SNX19: variants seen among roughly 807,000 people sequenced by gnomAD.
SNX19 encodes sorting nexin 19.
In SNX19, 60 loss-of-function variants were observed where a neutral mutation model predicts 85.2. The observed-to-expected ratio is 0.70, with a 90% CI of 0.57 to 0.87. The LOEUF (loss-of-function observed/expected upper bound fraction) is 0.87. SNX19 is among the 40% of genes least tolerant of loss of function. The pLI is 0.00. For synonymous variants in SNX19, 520 were observed against 470.0 expected (o/e 1.11, Z -1.38); for missense variants, 1,201 against 1,217.8 (o/e 0.99, Z 0.21).
At chr11:130,884,299 ACTC>A (rs1348567217) in intron 8 of SNX19, among the ~76,000 whole-genome samples, 1 of 151,870 alleles carries the variant, frequency 6.6e-6, no homozygotes, top group Non-Finnish European at 1.5e-5. Flanking sequence ...AGAAGTCTCA[ACTC>A]CTCTCCATTA....
At chr11:130,906,851 C>T (rs1022387378) in intron 5 of SNX19, 130 bp from the exon 6 acceptor site, 10 of 673,046 alleles carry the variant, frequency 1.5e-5, no homozygotes, top group Admixed American at 1.3e-4. Flanking sequence ...TTACTGTGGT[C>T]AGAGCTGCCA....
chr11:130,888,801 A>G (rs1465210263), intron 8 of SNX19, among the ~76,000 whole-genome samples: 4 of 152,222 alleles, frequency 2.6e-5, no homozygotes, highest in African/African-American at 9.6e-5. Flanking sequence ...GATATAATTC[A>G]TCTAGGCCAT....
At chr11:130,902,480 G>C (rs1396271221) in intron 8 of SNX19, among the ~76,000 whole-genome samples, 1 of 152,180 alleles carries the variant, frequency 6.6e-6, no homozygotes, top group African/African-American at 2.4e-5. Context: ...CTAAGAGAAG[G>C]TCAGCATTTG....
In SNX19 at chr11:130,874,761, CA is replaced by C. The variant is rs768432717; in HGVS notation, c.*3660del. Among the ~76,000 whole-genome samples the C allele has an allele frequency of 6.6e-6, 1 of 152,106 alleles. No individual in the cohort carries two copies. Among genetic ancestry groups the C allele is most frequent in the Non-Finnish European group, 1.5e-5 (1 of 68,028 alleles). ...CTGGAAATGAATAACCTGGGTAGGACACAGGAAGACTCAAAAATGTTCTAGG... is the reference window on the plus strand; with the variant it reads ...CTGGAAATGAATAACCTGGGTAGGACCAGGAAGACTCAAAAATGTTCTAGG... On this transcript the variant is annotated 3_prime_UTR_variant, in exon 11 of 11. Coordinates refer to ENST00000265909, the MANE Select transcript of SNX19 (RefSeq NM_014758.3).
At chr11:130,883,337 A>G (rs556388729) in intron 8 of SNX19, among the ~76,000 whole-genome samples, 115 of 152,214 alleles carry the variant, frequency 7.6e-4, no homozygotes, top group Non-Finnish European at 1.4e-3. Context: ...ATCTCTGAGT[A>G]AGTATCAGCT....
At chr11:130,903,207 T>A in intron 8 of SNX19, 48 bp downstream of exon 8, 1 of 1,610,150 alleles carries the variant, frequency 6.2e-7, no homozygotes, top group Non-Finnish European at 8.5e-7. Context: ...ACATCCACCT[T>A]CTCTGCAACT....
intron 4 of SNX19, 29 bp from the exon 5 acceptor site, chr11:130,908,112 C>T: frequency 6.2e-7 from 1 of 1,609,532 alleles, no homozygotes; most frequent in Non-Finnish European, 8.5e-7. Flanking sequence ...CAGGGTCAGT[C>T]CATCCACATC....
chr11:130,901,519 T>G lies in SNX19; in HGVS notation c.2573+1736A>C, dbSNP rs144677426. On this transcript the variant is annotated intron_variant, in intron 8 of 10. Coordinates refer to ENST00000265909, the MANE Select transcript of SNX19 (RefSeq NM_014758.3). The stretch of plus-strand genomic sequence containing the variant: ...GGAAATAACAGGTAGAGAAAGACCA[T>G]TCGAAGGCAGATACAGGAAGATGAG... 3.9e-3 allele frequency among the ~76,000 whole-genome samples: 594 copies of G among 152,058 alleles called. 10 individuals carry two copies. The South Asian group carries it at 0.05, about 13-fold the overall frequency.
rs1942852998 is a variant in SNX19 at position 130,868,157 on chromosome 11, G to A, written c.*10265C>T. On this transcript the variant is annotated 3_prime_UTR_variant, in exon 11 of 11. Coordinates refer to ENST00000265909, the MANE Select transcript of SNX19 (RefSeq NM_014758.3). ...TTCTCGTGGTAAGAAGGTGCTTCCAGAAGGCTGATTTTTCACTTCTCATGC... is the reference window on the plus strand; with the variant it reads ...TTCTCGTGGTAAGAAGGTGCTTCCAAAAGGCTGATTTTTCACTTCTCATGC... The A allele has an allele frequency of 6.6e-6, 1 of 152,176 alleles. No homozygotes were observed. Among genetic ancestry groups the A allele is most frequent in the Non-Finnish European group, 1.5e-5 (1 of 68,036 alleles). 9.4% of individuals were successfully genotyped at this position (152,176 alleles called of 1,614,324 possible).
intron 8 of SNX19, among the ~76,000 whole-genome samples, chr11:130,902,869 C>T (rs781533179): frequency 2.6e-5 from 4 of 152,198 alleles, no homozygotes; most frequent in Admixed American, 6.5e-5. Context: ...CCTTTTCTTT[C>T]CCACTGTTTA....
intron 8 of SNX19, among the ~76,000 whole-genome samples, chr11:130,900,229 A>G (rs1945170094): frequency 6.6e-6 from 1 of 152,204 alleles, no homozygotes; most frequent in Admixed American, 6.5e-5. Context: ...GGATGGCTTG[A>G]GCCCAGGAGG....
intron 8 of SNX19, among the ~76,000 whole-genome samples, chr11:130,896,836 C>T (rs1449732713): frequency 1.3e-5 from 2 of 152,050 alleles, no homozygotes; most frequent in Non-Finnish European, 2.9e-5. Context: ...TGGTGGCAGA[C>T]CTGGAGGTTC....
chr11:130,879,502 G>A (rs1240410477), intron 10 of SNX19, 122 bp downstream of exon 10: 2 of 785,636 alleles, frequency 2.5e-6, no homozygotes, highest in South Asian at 1.7e-5. Context: ...AGTGCCCAGA[G>A]CAAGTAAAGA....
intron 7 of SNX19, 22 bp downstream of exon 7, chr11:130,905,931 G>A: frequency 6.2e-7 from 1 of 1,614,166 alleles, no homozygotes; most frequent in South Asian, 1.1e-5. Flanking sequence ...TTCTCCATGG[G>A]AGCAGAGACC....
intron 7 of SNX19, among the ~76,000 whole-genome samples, chr11:130,903,716 T>TAC (rs35654790): frequency 0.15 from 21,036 of 143,268 alleles, 1,522 homozygotes; most frequent in African/African-American, 0.2. Context: ...TATATACACA[T>TAC]ACACACACAC....
In SNX19 at chr11:130,876,296, G is replaced by A. The variant is rs1481793701; in HGVS notation, c.*2126C>T. ...TTGTCTGAACCTGCTAGCCAAACTT[G>A]GCAGGTCGTTTTCAAAGCCAGATGA... On this transcript the variant is annotated 3_prime_UTR_variant, in exon 11 of 11. Transcript: ENST00000265909. The A allele has an allele frequency of 6.6e-6, 1 of 152,160 alleles. No individual in the cohort carries two copies. Among genetic ancestry groups the A allele is most frequent in the Non-Finnish European group, 1.5e-5 (1 of 68,028 alleles). The allele number at this position is 152,160 out of a possible 1,614,324, so 9.4% of individuals were successfully genotyped here. A position where few individuals can be genotyped will look rare whatever the true frequency, so the allele number is the denominator to read the frequency against.
chr11:130,910,237 G>A (rs201127404), intron 3 of SNX19, 33 bp downstream of exon 3: 9 of 1,613,086 alleles, frequency 5.6e-6, no homozygotes, highest in Middle Eastern at 1.7e-4. Context: ...CCAGGTTAAA[G>A]TGAGAACAAG....
chr11:130,888,887 A>G (rs1019144128), intron 8 of SNX19, among the ~76,000 whole-genome samples: 4 of 152,176 alleles, frequency 2.6e-5, no homozygotes, highest in Non-Finnish European at 5.9e-5. Flanking sequence ...TTGGTCGCCA[A>G]TTCTACTTTA....
intron 8 of SNX19, among the ~76,000 whole-genome samples, chr11:130,901,601 G>A (rs1010622582): frequency 6.6e-6 from 1 of 152,050 alleles, no homozygotes; most frequent in Non-Finnish European, 1.5e-5. Context: ...ACGTTTACAC[G>A]GTGGAAAATG....
Sources: gnomAD v4.1 joint callset for allele counts (sites outside exome capture counted in the v4.1 genomes callset) on GRCh38, gnomAD v4.1.1 for gene constraint, MANE v1.5 for transcripts, NCBI Gene and HGNC (gene_info 2026-07-23, HGNC 2026-07-21) for gene names.